COL5A2: variants seen among roughly 807,000 people sequenced by gnomAD.
The protein encoded by COL5A2 is collagen type V alpha 2 chain.
Under a neutral mutation model 208.2 loss-of-function variants are expected in COL5A2, and 23 were observed. The ratio of observed to expected loss-of-function variants is 0.11; its 90% CI spans 0.08 to 0.16. The LOEUF (loss-of-function observed/expected upper bound fraction) is 0.16, where lower values mean the gene tolerates loss of function less well. Ranked by LOEUF, COL5A2 falls within the 10% of genes least tolerant of loss-of-function variation. COL5A2 has a pLI of 1.00. For synonymous variants in COL5A2, 625 were observed against 628.5 expected, an observed-to-expected ratio of 0.99 and a Z score of 0.08; for missense variants, 1,590 against 1,956.4, an observed-to-expected ratio of 0.81 and a Z score of 3.53.
the COL5A2 span, among the ~76,000 whole-genome samples, chr2:189,342,925 G>A: frequency 6.6e-6 from 1 of 152,082 alleles, no homozygotes; most frequent in Non-Finnish European, 1.5e-5. Context: ...TTGCCAAAAT[G>A]CCAATGTATT....
the COL5A2 span, among the ~76,000 whole-genome samples, chr2:189,242,593 T>G: frequency 2.0e-5 from 3 of 152,120 alleles, no homozygotes; most frequent in Non-Finnish European, 2.9e-5. Context: ...ATGGTCTAAC[T>G]CAAGTTTTGC....
the COL5A2 span, among the ~76,000 whole-genome samples, chr2:189,315,234 C>T: frequency 6.6e-6 from 1 of 152,154 alleles, no homozygotes; most frequent in African/African-American, 2.4e-5. Flanking sequence ...AGCTGATCCA[C>T]CACAATCAAG....
intron 1 of COL5A2, among the ~76,000 whole-genome samples, chr2:189,159,549 C>A (rs953583911): frequency 1.3e-5 from 2 of 152,162 alleles, no homozygotes; most frequent in African/African-American, 2.4e-5. Flanking sequence ...TTGGCTCTTG[C>A]ACTGTCACAC....
the COL5A2 span, among the ~76,000 whole-genome samples, chr2:189,389,564 G>C: frequency 1.3e-5 from 2 of 152,070 alleles, no homozygotes; most frequent in Non-Finnish European, 2.9e-5. Flanking sequence ...GCAATCTTTA[G>C]TGTAGAATCA....
At chr2:189,162,882 C>G (rs985545045) in intron 1 of COL5A2, among the ~76,000 whole-genome samples, 4 of 152,064 alleles carry the variant, frequency 2.6e-5, no homozygotes, top group Non-Finnish European at 4.4e-5. Flanking sequence ...AATGGAGTCC[C>G]ATTTTCCCAG....
chr2:189,305,782 T>C, the COL5A2 span, among the ~76,000 whole-genome samples: 3 of 149,182 alleles, frequency 2.0e-5, no homozygotes, highest in Admixed American at 2.0e-4. Context: ...ACACTGAATA[T>C]CTTCCATCCT....
chr2:189,415,018 A>AAAGAAAGC, the COL5A2 span, among the ~76,000 whole-genome samples: 1 of 152,136 alleles, frequency 6.6e-6, no homozygotes, highest in Admixed American at 6.5e-5. Flanking sequence ...AGCATTAGTG[A>AAAGAAAGC]ACTATAGTGG....
chr2:189,191,169 AC>A (rs1428022565), intron 1 of COL5A2, among the ~76,000 whole-genome samples: 34 of 128,570 alleles, frequency 2.6e-4, no homozygotes, highest in Middle Eastern at 3.9e-3. Context: ...CAAACAAACA[AC>A]AAAAAACAAC....
intron 35 of COL5A2, 25 bp from the exon 36 acceptor site, chr2:189,054,237 T>G: frequency 1.9e-6 from 3 of 1,587,970 alleles, no homozygotes; most frequent in Non-Finnish European, 2.6e-6. Context: ...AACATAGGCA[T>G]ATTGAGGTAA....
At chr2:189,083,474 G>C (rs1442596426) in intron 12 of COL5A2, among the ~76,000 whole-genome samples, 1 of 151,972 alleles carries the variant, frequency 6.6e-6, no homozygotes, top group African/African-American at 2.4e-5. Flanking sequence ...CCAAAATTAG[G>C]GTTTGGGGAG....
At position 189,064,599 on chromosome 2, in the gene COL5A2, C is replaced by T; in HGVS notation, c.1674G>A (p.Gly558=). 1 of 1,613,968 alleles carries T rather than the reference C, an allele frequency of 6.2e-7. No individual in the cohort carries two copies. The highest frequency in any genetic ancestry group is 8.5e-7 in the Non-Finnish European group (1 of 1,179,984). Reference sequence around the variant, plus strand: ...CAGGTTCCCCTGGACGTCCTGGATCCCCCTGGCTTCCTTTGGGTCCTGAAG... The same window carrying T: ...CAGGTTCCCCTGGACGTCCTGGATCTCCCTGGCTTCCTTTGGGTCCTGAAG... ...VGSSGPKGSQ[G]DPGRPGEPGL... Residue 558 remains glycine (G), a synonymous_variant, in exon 25 of 54, where the codon GGG becomes GGA. Transcript: ENST00000374866.
chr2:189,058,353 A>T, intron 33 of COL5A2, 76 bp downstream of exon 33: 3 of 1,134,838 alleles, frequency 2.6e-6, no homozygotes, highest in Non-Finnish European at 4.0e-6. Context: ...AGACAAATGC[A>T]TTCTCACACC....
intron 11 of COL5A2, 25 bp from the exon 12 acceptor site, chr2:189,084,062 T>G: frequency 6.4e-7 from 1 of 1,555,606 alleles, no homozygotes; most frequent in South Asian, 1.1e-5. Flanking sequence ...ATGTAGGAGA[T>G]TGGGAAGGCA....
At chr2:189,096,265 G>GA (rs2105679804) in intron 6 of COL5A2, 1 of 152,040 alleles carries the variant, frequency 6.6e-6, no homozygotes, top group South Asian at 2.1e-4. Context: ...ATACATTAGA[G>GA]AAAAAATTAA....
At chr2:189,344,920 A>T in the COL5A2 span, among the ~76,000 whole-genome samples, 1 of 152,214 alleles carries the variant, frequency 6.6e-6, no homozygotes, top group Non-Finnish European at 1.5e-5. Flanking sequence ...CTGGTCAAGG[A>T]ACCAAAATGT....
chr2:189,372,601 TA>T, the COL5A2 span, among the ~76,000 whole-genome samples: 1 of 152,168 alleles, frequency 6.6e-6, no homozygotes, highest in Non-Finnish European at 1.5e-5. Context: ...TTAAAATATG[TA>T]AAAAGCTATA....
upstream of COL5A2, chr2:189,179,908 C>A: frequency 1.8e-6 from 1 of 557,506 alleles, no homozygotes; most frequent in East Asian, 2.8e-5. Context: ...CAAATCAGAA[C>A]ACGCGTCTCT....
intron 16 of COL5A2, 111 bp downstream of exon 16, chr2:189,078,405 A>C: frequency 8.2e-6 from 7 of 849,282 alleles, no homozygotes; most frequent in Non-Finnish European, 1.4e-5. Context: ...GAAAAAAAAA[A>C]AAGGTGACCA....
chr2:189,126,308 G>A (rs1687606291), intron 1 of COL5A2, among the ~76,000 whole-genome samples: 1 of 151,894 alleles, frequency 6.6e-6, no homozygotes, highest in African/African-American at 2.4e-5. Context: ...GTAATGAGAA[G>A]AGTTTATGGA....
Sources: allele counts gnomAD v4.1 joint callset (sites outside exome capture counted in the v4.1 genomes callset), GRCh38; gene constraint gnomAD v4.1.1; transcripts MANE v1.5; gene names NCBI Gene and HGNC (gene_info 2026-07-23, HGNC 2026-07-21).